Variants in ENOX1 observed in about 807,000 individuals in gnomAD.
ENOX1 encodes the protein candidate growth-related and time keeping constitutive hydroquinone (NADH) oxidase.
ENOX1 carries 42 observed loss-of-function variants against 82.5 expected under a neutral mutation model. The ratio of observed to expected loss-of-function variants is 0.51; its 90% CI spans 0.40 to 0.66. The LOEUF is 0.66. Among genes scored for constraint, ENOX1 ranks in the 30% least tolerant of loss-of-function variants. The pLI is 0.00. For synonymous variants in ENOX1, 271 were observed against 282.2 expected (o/e 0.96, Z 0.40); for missense variants, 608 against 811.6 (o/e 0.75, Z 3.05).
At chr13:43,362,558 C>A (rs2050595735) in intron 5 of ENOX1, among the ~76,000 whole-genome samples, 1 of 151,930 alleles carries the variant, frequency 6.6e-6, no homozygotes, top group Non-Finnish European at 1.5e-5. Flanking sequence ...CCACCCCTGC[C>A]CCCGACAACC....
intron 3 of ENOX1, among the ~76,000 whole-genome samples, chr13:43,468,250 C>T (rs1485208382): frequency 2.0e-5 from 3 of 150,018 alleles, no homozygotes; most frequent in Non-Finnish European, 3.0e-5. Context: ...GGTGTGATCT[C>T]GGCTCACTGC....
At chr13:43,375,737 C>T (rs1032593577) in intron 5 of ENOX1, among the ~76,000 whole-genome samples, 2 of 152,172 alleles carry the variant, frequency 1.3e-5, no homozygotes, top group Non-Finnish European at 2.9e-5. Flanking sequence ...TAAATACATA[C>T]CCAGGTCAGA....
At chr13:43,365,470 T>C (rs2050788158) in intron 5 of ENOX1, among the ~76,000 whole-genome samples, 1 of 152,118 alleles carries the variant, frequency 6.6e-6, no homozygotes, top group Non-Finnish European at 1.5e-5. Flanking sequence ...ACAGAGATTA[T>C]TAGCGCAGAT....
At chr13:43,336,051 T>TA (rs1357501119) in intron 9 of ENOX1, among the ~76,000 whole-genome samples, 1 of 152,248 alleles carries the variant, frequency 6.6e-6, no homozygotes, top group Non-Finnish European at 1.5e-5. Flanking sequence ...CTAAAGCAGT[T>TA]ATGGGGAATT....
In ENOX1 at chr13:43,319,613, T is replaced by C. The variant is rs139262697; in HGVS notation, c.1261+2771A>G. Among the ~76,000 whole-genome samples, 773 of 152,212 alleles carry C rather than the reference T, an allele frequency of 5.1e-3. 17 individuals carry two copies. The highest frequency in any genetic ancestry group is 0.049 in the South Asian group (238 of 4,814). On this transcript the variant is annotated intron_variant, in intron 11 of 16. Transcript: ENST00000690772. ...GGTACTTTTTGTCTTAGTATGGAGA[T>C]GACAAGCAAAGCTGGCCCTGGGGGA... is the stretch of plus-strand genomic sequence containing the variant.
At chr13:43,546,817 G>C (rs1237880891) in intron 2 of ENOX1, 4 of 152,104 alleles carry the variant, frequency 2.6e-5, no homozygotes. Flanking sequence ...AAAAGAAACA[G>C]AACCAGAAAA....
chr13:43,738,273 A>T (rs894780087), intron 1 of ENOX1, among the ~76,000 whole-genome samples: 4 of 152,170 alleles, frequency 2.6e-5, no homozygotes, highest in Admixed American at 1.3e-4. Context: ...CAGTTTTTCA[A>T]CATAACAATA....
intron 2 of ENOX1, among the ~76,000 whole-genome samples, chr13:43,640,897 TACAC>T (rs2083613433): frequency 1.1e-5 from 1 of 89,196 alleles, no homozygotes; most frequent in Non-Finnish European, 2.1e-5. Flanking sequence ...CACACACACG[TACAC>T]ACACACGCAC....
At chr13:43,618,559 G>A (rs916004709) in intron 2 of ENOX1, among the ~76,000 whole-genome samples, 2 of 152,048 alleles carry the variant, frequency 1.3e-5, no homozygotes, top group African/African-American at 4.8e-5. Flanking sequence ...TAAGTATTTG[G>A]GTTTATTTCT....
At chr13:43,644,455 A>G (rs1048023149) in intron 2 of ENOX1, among the ~76,000 whole-genome samples, 1 of 152,202 alleles carries the variant, frequency 6.6e-6, no homozygotes, top group Non-Finnish European at 1.5e-5. Context: ...TTAAATGACG[A>G]CTTTAATTCC....
chr13:43,673,740 C>T (rs978589349), intron 1 of ENOX1, among the ~76,000 whole-genome samples: 2 of 152,176 alleles, frequency 1.3e-5, no homozygotes, highest in African/African-American at 4.8e-5. Context: ...TGAAGAAATA[C>T]CTTTCTCTCT....
Position 43,630,858 on chromosome 13 carries a change from T to TAC in ENOX1, c.-219+36620_-219+36621insGT, listed in dbSNP as rs767775854. 2.1e-4 allele frequency among the ~76,000 whole-genome samples: 17 copies of TAC among 82,090 alleles called. No homozygotes were observed. In the East Asian group the frequency reaches 3.4e-3, roughly 17 times the overall value. 53.9% of individuals were successfully genotyped at this position (82,090 alleles called of 152,430 possible). A position where few individuals can be genotyped will look rare whatever the true frequency, so the allele number is the denominator to read the frequency against. ...AACCACACACACACATATATATATA[T>TAC]ATACACACACACACACATATATATA... is the stretch of plus-strand genomic sequence containing the variant. On this transcript the variant is annotated intron_variant, in intron 2 of 16. Coordinates refer to ENST00000690772, the MANE Select transcript of ENOX1 (RefSeq NM_001347969.2).
intron 11 of ENOX1, among the ~76,000 whole-genome samples, chr13:43,315,415 T>C (rs1294343694): frequency 2.0e-5 from 3 of 152,162 alleles, no homozygotes; most frequent in African/African-American, 7.2e-5. Context: ...TGCTTATAAA[T>C]GAAAACGGAA....
In ENOX1 at chr13:43,616,090, A is replaced by C. The variant is rs1447688242; in HGVS notation, c.-219+51389T>G. On this transcript the variant is annotated intron_variant, in intron 2 of 16. Transcript: ENST00000690772. ...TGTCTTTAAGTTTGACATTATATAT[A>C]TATATCTATATAGATAGATATCTAT... is the stretch of plus-strand genomic sequence containing the variant. 2.5e-3 allele frequency among the ~76,000 whole-genome samples: 227 copies of C among 91,486 alleles called. 11 individuals carry two copies. The highest frequency in any genetic ancestry group is 6.2e-3 in the African/African-American group (188 of 30,328). The allele number at this position is 91,486 out of a possible 152,430, so 60.0% of individuals were successfully genotyped here.
At chr13:43,735,041 T>C (rs576473659) in intron 1 of ENOX1, among the ~76,000 whole-genome samples, 19 of 152,202 alleles carry the variant, frequency 1.2e-4, no homozygotes, top group Non-Finnish European at 2.4e-4. Context: ...TAATATTTAT[T>C]ATGTGCTTCA....
chr13:43,659,496 A>C (rs541589424), intron 2 of ENOX1, among the ~76,000 whole-genome samples: 76 of 152,046 alleles, frequency 5.0e-4, no homozygotes, highest in Non-Finnish European at 8.8e-4. Flanking sequence ...TGTAAAAAAA[A>C]AAAAAATTTT....
intron 2 of ENOX1, among the ~76,000 whole-genome samples, chr13:43,591,655 T>C (rs375320823): frequency 1.3e-5 from 2 of 151,798 alleles, no homozygotes; most frequent in Non-Finnish European, 1.5e-5. Flanking sequence ...TTTATATGTA[T>C]GTAATGTTTT....
At chr13:43,657,592 C>T (rs1009476188) in intron 2 of ENOX1, among the ~76,000 whole-genome samples, 8 of 152,206 alleles carry the variant, frequency 5.3e-5, no homozygotes, top group Admixed American at 5.2e-4. Context: ...TGTGCAGAAG[C>T]AGTCCATGTA....
intron 1 of ENOX1, among the ~76,000 whole-genome samples, chr13:43,767,822 C>T (rs1313406831): frequency 6.6e-6 from 1 of 152,204 alleles, no homozygotes; most frequent in Non-Finnish European, 1.5e-5. Flanking sequence ...CCGGCAGGAG[C>T]CTGAGGGGAG....
Sources: gnomAD v4.1 joint callset for allele counts (sites outside exome capture counted in the v4.1 genomes callset) on GRCh38, gnomAD v4.1.1 for gene constraint, MANE v1.5 for transcripts, NCBI Gene and HGNC (gene_info 2026-07-23, HGNC 2026-07-21) for gene names.